PATJ: variants seen among roughly 807,000 people sequenced by gnomAD.
PATJ encodes PATJ crumbs cell polarity complex component.
PATJ carries 190 observed loss-of-function variants against 224.9 expected under a neutral mutation model. The ratio of observed to expected loss-of-function variants is 0.84; its 90% CI spans 0.75 to 0.95. The LOEUF (loss-of-function observed/expected upper bound fraction) is 0.95. Ranked by LOEUF, PATJ falls within the 40% of genes least tolerant of loss-of-function variation. The pLI, the probability that PATJ is intolerant of heterozygous loss-of-function variation, is 0.00. For missense variants in PATJ, 2,121 were observed against 2,270.3 expected (o/e 0.93, Z 1.34); for synonymous variants, 769 against 820.3 (o/e 0.94, Z 1.07).
At chr1:62,148,543 A>T (rs1194747730) in intron 42 of PATJ, among the ~76,000 whole-genome samples, 153 bp downstream of exon 42, 1 of 152,170 alleles carries the variant, frequency 6.6e-6, no homozygotes, top group East Asian at 1.9e-4. Context: ...ACAAGGCTTA[A>T]TTCCACCACA....
intron 27 of PATJ, among the ~76,000 whole-genome samples, chr1:61,973,072 T>C (rs115186844): frequency 0.028 from 4,242 of 152,144 alleles, 235 homozygotes; most frequent in African/African-American, 0.097. Flanking sequence ...TAATTAGAAA[T>C]TTTTATTAAT....
At chr1:62,131,899 G>A (rs1340448036) in intron 41 of PATJ, among the ~76,000 whole-genome samples, 4 of 149,934 alleles carry the variant, frequency 2.7e-5, no homozygotes, top group Non-Finnish European at 5.9e-5. Context: ...ATGGAGTCTC[G>A]CTCTGTTGTC....
At chr1:61,908,144 ATT>A (rs1328161316) in intron 24 of PATJ, among the ~76,000 whole-genome samples, 4 of 152,146 alleles carry the variant, frequency 2.6e-5, no homozygotes, top group African/African-American at 9.7e-5. Context: ...GGATGTTTTT[ATT>A]AATGTATTTT....
At chr1:62,008,095 T>A (rs1430509982) in intron 28 of PATJ, among the ~76,000 whole-genome samples, 1 of 152,166 alleles carries the variant, frequency 6.6e-6, no homozygotes, top group Non-Finnish European at 1.5e-5. Context: ...CACAGAAGCT[T>A]AATGAACATG....
At chr1:61,755,287 C>T (rs1021564272) in intron 1 of PATJ, among the ~76,000 whole-genome samples, 4 of 143,064 alleles carry the variant, frequency 2.8e-5, no homozygotes, top group Admixed American at 7.2e-5. Flanking sequence ...CCAGCCTGGG[C>T]GACAGAGCAA....
chr1:61,950,806 T>A (rs191676083), intron 27 of PATJ, among the ~76,000 whole-genome samples: 396 of 152,314 alleles, frequency 2.6e-3, no homozygotes, highest in Non-Finnish European at 4.6e-3. Flanking sequence ...TTATGTAAAT[T>A]CTTTTTCTCA....
chr1:62,028,203 T>C (rs1417730190), intron 29 of PATJ, among the ~76,000 whole-genome samples: 1 of 152,144 alleles, frequency 6.6e-6, no homozygotes, highest in Non-Finnish European at 1.5e-5. Flanking sequence ...TTTTTTCCCC[T>C]CTCTTAGAGT....
intron 27 of PATJ, among the ~76,000 whole-genome samples, chr1:61,934,300 T>A (rs983695794): frequency 1.3e-5 from 2 of 152,212 alleles, no homozygotes; most frequent in Non-Finnish European, 2.9e-5. Flanking sequence ...GTATTTTTAG[T>A]AGAGATGGGG....
intron 27 of PATJ, among the ~76,000 whole-genome samples, chr1:61,978,260 A>G (rs1465708933): frequency 1.8e-5 from 1 of 56,112 alleles, no homozygotes; most frequent in Non-Finnish European, 3.3e-5. Context: ...TCCTTCCTTT[A>G]TTCTTTCTTC....
At chr1:61,783,579 A>G (rs1159393608) in intron 7 of PATJ, among the ~76,000 whole-genome samples, 1 of 150,188 alleles carries the variant, frequency 6.7e-6, no homozygotes, top group African/African-American at 2.4e-5. Context: ...TGGTACCTGG[A>G]TTCATTTTTT....
At chr1:61,865,325 A>T (rs1473212765) in intron 20 of PATJ, 1 of 148,964 alleles carries the variant, frequency 6.7e-6, no homozygotes, top group African/African-American at 2.5e-5. Flanking sequence ...GGCTCCATGG[A>T]TCCTCTCACC....
intron 24 of PATJ, among the ~76,000 whole-genome samples, chr1:61,901,716 A>G (rs1469348190): frequency 1.3e-5 from 2 of 152,210 alleles, no homozygotes; most frequent in African/African-American, 2.4e-5. Flanking sequence ...AGGGCTCTAT[A>G]TAGAACAGGG....
intron 19 of PATJ, 52 bp from the exon 20 acceptor site, chr1:61,864,186 G>C: frequency 6.7e-7 from 1 of 1,501,254 alleles, no homozygotes; most frequent in South Asian, 1.3e-5. Flanking sequence ...TCTATATAGT[G>C]CAGCTTCAGG....
At chr1:61,932,317 G>A (rs750473152) in intron 27 of PATJ, among the ~76,000 whole-genome samples, 4 of 152,164 alleles carry the variant, frequency 2.6e-5, no homozygotes, top group Admixed American at 6.5e-5. Flanking sequence ...ACCACTGATC[G>A]AAATGGTCTT....
chr1:61,847,905 C>G (rs1385905053), intron 17 of PATJ, among the ~76,000 whole-genome samples: 1 of 151,550 alleles, frequency 6.6e-6, no homozygotes, highest in Non-Finnish European at 1.5e-5. Flanking sequence ...TATATCTTAT[C>G]AAAAAAGGAG....
intron 25 of PATJ, 74 bp downstream of exon 25, chr1:61,908,556 G>T (rs374140440): frequency 2.3e-6 from 2 of 865,428 alleles, no homozygotes; most frequent in South Asian, 3.0e-5. Context: ...TGGCCTCTAA[G>T]TATTTTCCAC....
chr1:62,085,609 G>C (rs1659862115), intron 33 of PATJ, among the ~76,000 whole-genome samples: 1 of 151,954 alleles, frequency 6.6e-6, no homozygotes, highest in African/African-American at 2.4e-5. Context: ...GAGGCCAGGA[G>C]TTTGAGACAG....
chr1:62,102,924 G>A (rs987848380), intron 33 of PATJ, among the ~76,000 whole-genome samples: 2 of 151,602 alleles, frequency 1.3e-5, no homozygotes, highest in Admixed American at 1.3e-4. Flanking sequence ...AGATTGGGAG[G>A]GGGCCTATGC....
intron 27 of PATJ, among the ~76,000 whole-genome samples, chr1:61,984,116 T>C (rs1644600912): frequency 6.6e-6 from 1 of 151,234 alleles, no homozygotes; most frequent in Non-Finnish European, 1.5e-5. Flanking sequence ...CCCAAAATTA[T>C]TAATAAAATT....
Sources: allele counts gnomAD v4.1 joint callset (sites outside exome capture counted in the v4.1 genomes callset), GRCh38; gene constraint gnomAD v4.1.1; transcripts MANE v1.5; gene names NCBI Gene and HGNC (gene_info 2026-07-23, HGNC 2026-07-21).